The following IGSF11 variants were observed in gnomAD, a reference collection of about 807,000 sequenced individuals.
IGSF11 encodes the protein immunoglobulin superfamily member 11, also known as CXADR like 1.
In IGSF11, 22 loss-of-function variants were observed where a neutral mutation model predicts 41.0. The ratio of observed to expected loss-of-function variants is 0.54; its 90% CI spans 0.38 to 0.77. The LOEUF is 0.77. IGSF11 is among the 30% of genes least tolerant of loss of function. The probability of loss-of-function intolerance (pLI) is 0.00; values close to 1 mark genes in which losing one functional copy is unlikely to be tolerated. For missense variants in IGSF11, 444 were observed against 530.8 expected, an observed-to-expected ratio of 0.84 and a Z score of 1.61; for synonymous variants, 219 against 201.3, an observed-to-expected ratio of 1.09 and a Z score of -0.74.
chr3:119,051,900 A>G (rs191644628), intron 1 of IGSF11, among the ~76,000 whole-genome samples: 1 of 152,316 alleles, frequency 6.6e-6, no homozygotes, highest in East Asian at 1.9e-4. Context: ...AATGAAATCA[A>G]TATGAAAATT....
At chr3:119,034,447 C>T (rs1230238182) in intron 1 of IGSF11, 84 bp downstream of exon 1, 114 of 1,284,244 alleles carry the variant, frequency 8.9e-5, no homozygotes, top group Non-Finnish European at 1.1e-4. Context: ...AGCAAGGAGG[C>T]TCTTTGCCGT....
At chr3:119,017,154 C>G (rs1036592896) in intron 1 of IGSF11, among the ~76,000 whole-genome samples, 2 of 151,156 alleles carry the variant, frequency 1.3e-5, no homozygotes, top group African/African-American at 4.9e-5. Flanking sequence ...GAAGAGTAAG[C>G]GAAATTGGAA....
chr3:119,015,824 C>G (rs980405881), intron 1 of IGSF11, among the ~76,000 whole-genome samples: 10 of 152,086 alleles, frequency 6.6e-5, no homozygotes, highest in Non-Finnish European at 1.5e-4. Flanking sequence ...CACTAAGCAC[C>G]TGGTGCCTGA....
intron 3 of IGSF11, among the ~76,000 whole-genome samples, chr3:118,927,946 A>C (rs1430941588): frequency 6.6e-6 from 1 of 152,144 alleles, no homozygotes; most frequent in Non-Finnish European, 1.5e-5. Context: ...TTTTCTATGC[A>C]ATCTGGGGAA....
chr3:119,119,225 G>A (rs1047458968), intron 1 of IGSF11, among the ~76,000 whole-genome samples: 16 of 152,100 alleles, frequency 1.1e-4, no homozygotes, highest in Admixed American at 3.3e-4. Flanking sequence ...ACCTGAGACT[G>A]GGTAATTTAC....
upstream of IGSF11, among the ~76,000 whole-genome samples, chr3:119,109,332 C>T (rs980724629): frequency 2.0e-4 from 31 of 151,742 alleles, no homozygotes; most frequent in African/African-American, 7.0e-4. Context: ...GTGTATGTGT[C>T]GAGGAATTTA....
chr3:118,978,955 GAA>G (rs149352072), intron 1 of IGSF11, among the ~76,000 whole-genome samples: 3,903 of 152,090 alleles, frequency 0.026, 137 homozygotes, highest in African/African-American at 0.089. Context: ...TGAAATCTCA[GAA>G]AAAGAGTTCA....
At chr3:119,118,873 CA>C (rs959299960) in intron 1 of IGSF11, among the ~76,000 whole-genome samples, 53 of 152,198 alleles carry the variant, frequency 3.5e-4, no homozygotes, top group African/African-American at 1.2e-3. Context: ...ATCTCTAGGA[CA>C]GGGGCAAAAT....
intron 1 of IGSF11, among the ~76,000 whole-genome samples, chr3:119,138,064 G>A (rs1300634054): frequency 6.6e-6 from 1 of 151,728 alleles, no homozygotes; most frequent in Non-Finnish European, 1.5e-5. Context: ...AACATTGAAT[G>A]CTGGTGAGGA....
chr3:119,023,154 C>T (rs945874517), intron 1 of IGSF11, among the ~76,000 whole-genome samples: 1 of 150,390 alleles, frequency 6.6e-6, no homozygotes, highest in South Asian at 2.1e-4. Flanking sequence ...CCCAGCTACT[C>T]GGAAGGCTGA....
chr3:119,010,120 G>A (rs1287462975), intron 1 of IGSF11, among the ~76,000 whole-genome samples: 2 of 152,164 alleles, frequency 1.3e-5, no homozygotes, highest in African/African-American at 4.8e-5. Context: ...TCCTTCTGGG[G>A]CGCTGTGAAG....
Position 118,902,519 on chromosome 3 carries a change from C to A in IGSF11, c.*1G>T. The A allele has an allele frequency of 7.3e-7, 1 of 1,366,528 alleles. No individual in the cohort carries two copies. The highest frequency in any genetic ancestry group is 1.1e-5 in the South Asian group (1 of 87,806). The allele number at this position is 1,366,528 out of a possible 1,614,324, so 84.7% of individuals were successfully genotyped here. On this transcript the variant is annotated 3_prime_UTR_variant, in exon 7 of 7. Transcript: ENST00000393775. The stretch of plus-strand genomic sequence containing the variant: ...TTCTGAACACAACATTTCCTCATGT[C>A]CTATACCAAGGACCCGGCCCGACTC...
chr3:118,944,949 C>G (rs1944003613), intron 1 of IGSF11: 1 of 152,094 alleles, frequency 6.6e-6, no homozygotes, highest in African/African-American at 2.4e-5. Context: ...CTACTTAAAG[C>G]CTCTGAGGAA....
chr3:119,138,790 C>T (rs950381783), intron 1 of IGSF11, among the ~76,000 whole-genome samples: 1 of 152,116 alleles, frequency 6.6e-6, no homozygotes, highest in African/African-American at 2.4e-5. Flanking sequence ...TTCACATGTT[C>T]TCGCTTATTT....
At chr3:119,018,195 A>G (rs549361085) in intron 1 of IGSF11, among the ~76,000 whole-genome samples, 1 of 152,248 alleles carries the variant, frequency 6.6e-6, no homozygotes, top group Non-Finnish European at 1.5e-5. Context: ...AAACAAATAA[A>G]TAAGGCATCA....
At chr3:118,929,676 T>C (rs1424070016) in intron 2 of IGSF11, among the ~76,000 whole-genome samples, 2 of 152,182 alleles carry the variant, frequency 1.3e-5, no homozygotes, top group African/African-American at 4.8e-5. Flanking sequence ...TATGAGACTC[T>C]TTGAGCTCAC....
intron 1 of IGSF11, among the ~76,000 whole-genome samples, chr3:119,086,404 A>G (rs1453455752): frequency 1.3e-5 from 2 of 152,180 alleles, no homozygotes; most frequent in Non-Finnish European, 2.9e-5. Flanking sequence ...GCCAGACACT[A>G]CACAAGTCAC....
intron 1 of IGSF11, among the ~76,000 whole-genome samples, chr3:119,061,011 A>G (rs1187365153): frequency 6.6e-6 from 1 of 152,210 alleles, no homozygotes; most frequent in Non-Finnish European, 1.5e-5. Flanking sequence ...ATCAGGAATA[A>G]CCCATAAAAA....
At chr3:119,048,354 A>C (rs1454731895) in intron 1 of IGSF11, among the ~76,000 whole-genome samples, 2 of 152,104 alleles carry the variant, frequency 1.3e-5, no homozygotes, top group African/African-American at 4.8e-5. Flanking sequence ...CTACCATCAG[A>C]GAATACTACA....
Sources: gnomAD v4.1 joint callset for allele counts (sites outside exome capture counted in the v4.1 genomes callset) on GRCh38, gnomAD v4.1.1 for gene constraint, MANE v1.5 for transcripts, NCBI Gene and HGNC (gene_info 2026-07-23, HGNC 2026-07-21) for gene names.